The following CACNB2 variants were observed in gnomAD, a reference collection of about 807,000 sequenced individuals.
CACNB2 encodes the protein calcium voltage-gated channel auxiliary subunit beta 2, also known as voltage-dependent L-type calcium channel subunit beta-2.
Under a neutral mutation model 73.3 loss-of-function variants are expected in CACNB2, and 42 were observed. That is an observed-to-expected ratio of 0.57 (90% CI 0.45 to 0.74). The LOEUF (loss-of-function observed/expected upper bound fraction) is 0.74, where lower values mean the gene tolerates loss of function less well. Among genes scored for constraint, CACNB2 ranks in the 30% least tolerant of loss-of-function variants. CACNB2 has a pLI of 0.00. For missense variants in CACNB2, 940 were observed against 853.0 expected (o/e 1.10, Z -1.27); for synonymous variants, 348 against 310.3 (o/e 1.12, Z -1.28).
At chr10:18,471,993 A>G (rs2048209281) in intron 3 of CACNB2, among the ~76,000 whole-genome samples, 1 of 152,028 alleles carries the variant, frequency 6.6e-6, no homozygotes, top group South Asian at 2.1e-4. Flanking sequence ...CTCACCCCAG[A>G]CGTGTTCAAC....
intron 2 of CACNB2, among the ~76,000 whole-genome samples, chr10:18,290,112 CTTTTTT>C (rs992393946): frequency 0.027 from 1,358 of 49,934 alleles, 4 homozygotes; most frequent in African/African-American, 0.08. Flanking sequence ...TTTTCTTTTT[CTTTTTT>C]TTTTTTTTTT....
At chr10:18,532,277 C>T (rs2053106883) in intron 10 of CACNB2, among the ~76,000 whole-genome samples, 1 of 152,002 alleles carries the variant, frequency 6.6e-6, no homozygotes, top group Non-Finnish European at 1.5e-5. Context: ...CCACAAATAT[C>T]TTTATATATG....
intron 3 of CACNB2, among the ~76,000 whole-genome samples, chr10:18,462,836 G>A (rs1161579640): frequency 6.6e-6 from 1 of 152,048 alleles, no homozygotes; most frequent in African/African-American, 2.4e-5. Flanking sequence ...TAGTCTCACT[G>A]CAACCTCCAC....
chr10:18,453,751 T>A (rs2047129826), intron 3 of CACNB2, among the ~76,000 whole-genome samples: 1 of 152,194 alleles, frequency 6.6e-6, no homozygotes, highest in South Asian at 2.1e-4. Flanking sequence ...TGCCTCAGCC[T>A]CCCAAGTAGC....
intron 1 of CACNB2, among the ~76,000 whole-genome samples, chr10:18,149,080 T>C (rs2031273036): frequency 6.6e-6 from 1 of 151,678 alleles, no homozygotes; most frequent in Non-Finnish European, 1.5e-5. Context: ...CTCATGAGGA[T>C]AAACGGTGAA....
intron 3 of CACNB2, among the ~76,000 whole-genome samples, chr10:18,479,783 T>A (rs958874339): frequency 1.3e-5 from 2 of 152,210 alleles, no homozygotes; most frequent in Admixed American, 6.5e-5. Context: ...GATTGTAAGT[T>A]TCCTGAGGCC....
Position 18,372,029 on chromosome 10 carries a change from C to T in CACNB2, c.214-29895C>T, listed in dbSNP as rs1216246990. On this transcript the variant is annotated intron_variant, in intron 2 of 13. Transcript: ENST00000324631. Reference sequence around the variant, plus strand: ...TTGAGAAGTGTCTGTTCATATCCTTCGCCCACTTGTTGATGGGGTTGTTTG... The same window carrying T: ...TTGAGAAGTGTCTGTTCATATCCTTTGCCCACTTGTTGATGGGGTTGTTTG... Among the ~76,000 whole-genome samples, 24 of 152,224 alleles carry T rather than the reference C, an allele frequency of 1.6e-4. No homozygotes were observed. The South Asian group carries it at 1.7e-3, about 11-fold the overall frequency.
chr10:18,498,302 G>A (rs759523263), intron 3 of CACNB2, 53 bp from the exon 4 acceptor site: 85 of 1,607,528 alleles, frequency 5.3e-5, no homozygotes, highest in Non-Finnish European at 7.1e-5. Context: ...GGAAAAAGGA[G>A]GGACAGTGTT....
At chr10:18,261,368 G>T (rs761633693) in intron 2 of CACNB2, 1 of 1,551,322 alleles carries the variant, frequency 6.4e-7, no homozygotes, top group Non-Finnish European at 8.7e-7. Context: ...AATACTATTC[G>T]TGTCTGTCTG....
At chr10:18,533,672 C>G (rs902400619) in intron 10 of CACNB2, among the ~76,000 whole-genome samples, 2 of 152,140 alleles carry the variant, frequency 1.3e-5, no homozygotes, top group African/African-American at 4.8e-5. Context: ...TCAGCCCGTG[C>G]ACTGAAAGGA....
intron 3 of CACNB2, among the ~76,000 whole-genome samples, chr10:18,472,394 A>G (rs1303966600): frequency 6.6e-6 from 1 of 151,938 alleles, no homozygotes; most frequent in Non-Finnish European, 1.5e-5. Flanking sequence ...ACGCCACCAT[A>G]CATGGCTAAT....
At chr10:18,194,948 A>C (rs1400204612) in intron 2 of CACNB2, among the ~76,000 whole-genome samples, 3 of 152,218 alleles carry the variant, frequency 2.0e-5, no homozygotes, top group Non-Finnish European at 4.4e-5. Context: ...TCTGGTTTCA[A>C]ACTTTTAGCT....
intron 2 of CACNB2, among the ~76,000 whole-genome samples, chr10:18,334,711 A>G (rs544717048): frequency 1.1e-4 from 17 of 152,246 alleles, no homozygotes; most frequent in Admixed American, 3.3e-4. Context: ...GTGGCAAGCA[A>G]CAATGGCTCC....
At chr10:18,525,639 C>T (rs1040028639) in intron 9 of CACNB2, among the ~76,000 whole-genome samples, 4 of 151,964 alleles carry the variant, frequency 2.6e-5, no homozygotes, top group Admixed American at 2.0e-4. Flanking sequence ...ACCCGTGTGC[C>T]GGACCCTTTC....
intron 9 of CACNB2, among the ~76,000 whole-genome samples, chr10:18,520,371 A>G (rs1342079811): frequency 6.6e-6 from 1 of 152,192 alleles, no homozygotes; most frequent in Non-Finnish European, 1.5e-5. Context: ...TCTTCAAAAT[A>G]TATTCAGAAT....
rs1360279015 is a variant in CACNB2 at position 18,268,626 on chromosome 10, G to T, written c.213+117651G>T. ...AAAAGACTTTACCAGTATACGAACA[G>T]CACATGAAAATGAGATTATAGAGGA... On this transcript the variant is annotated intron_variant, in intron 2 of 13. Coordinates refer to ENST00000324631, the MANE Select transcript of CACNB2 (RefSeq NM_201596.3). 4.6e-5 allele frequency among the ~76,000 whole-genome samples: 7 copies of T among 152,308 alleles called. No individual in the cohort carries two copies. In the East Asian group the frequency reaches 1.2e-3, roughly 25 times the overall value.
chr10:18,356,924 C>G lies in CACNB2; in HGVS notation c.214-45000C>G, dbSNP rs1270634466. Among the ~76,000 whole-genome samples, 5 of 145,276 alleles carry G rather than the reference C, an allele frequency of 3.4e-5. No homozygotes were observed. In the East Asian group the frequency reaches 9.8e-4, roughly 29 times the overall value. ...GGATTACAGGCTTGAGCCACTGTGC[C>G]TGGCCCAGACTCAATTTCTTTTTTT... On this transcript the variant is annotated intron_variant, in intron 2 of 13. Coordinates refer to ENST00000324631, the MANE Select transcript of CACNB2 (RefSeq NM_201596.3).
At chr10:18,288,089 A>G (rs972926763) in intron 2 of CACNB2, among the ~76,000 whole-genome samples, 1 of 152,148 alleles carries the variant, frequency 6.6e-6, no homozygotes, top group African/African-American at 2.4e-5. Flanking sequence ...TAAGGACACC[A>G]GTCATATTGG....
At chr10:18,386,395 T>C (rs941896448) in intron 2 of CACNB2, among the ~76,000 whole-genome samples, 34 of 139,614 alleles carry the variant, frequency 2.4e-4, no homozygotes, top group African/African-American at 8.6e-4. Context: ...CTCTTTTATT[T>C]ATGATTTTTT....
Sources: gnomAD v4.1 joint callset for allele counts (sites outside exome capture counted in the v4.1 genomes callset) on GRCh38, gnomAD v4.1.1 for gene constraint, MANE v1.5 for transcripts, NCBI Gene and HGNC (gene_info 2026-07-23, HGNC 2026-07-21) for gene names.